Variants in CDH13 observed in about 807,000 individuals in gnomAD.
CDH13 encodes the protein cadherin-13.
In CDH13, 24 loss-of-function variants were observed where a neutral mutation model predicts 63.8. The ratio of observed to expected loss-of-function variants is 0.38; its 90% CI spans 0.27 to 0.53. CDH13 has a LOEUF of 0.53. Ranked by LOEUF, CDH13 falls within the 20% of genes least tolerant of loss-of-function variation. The pLI is 0.85. For synonymous variants in CDH13, 503 were observed against 355.3 expected, an observed-to-expected ratio of 1.42 and a Z score of -4.67; for missense variants, 1,049 against 903.1, an observed-to-expected ratio of 1.16 and a Z score of -2.07.
chr16:83,073,140 T>C (rs1348010638), intron 3 of CDH13, among the ~76,000 whole-genome samples: 11 of 152,160 alleles, frequency 7.2e-5, no homozygotes, highest in Non-Finnish European at 2.9e-5. Context: ...AAGCACAACC[T>C]GAGAGACATG....
chr16:82,745,436 C>G (rs184958574), intron 1 of CDH13, among the ~76,000 whole-genome samples: 1 of 152,240 alleles, frequency 6.6e-6, no homozygotes, highest in Admixed American at 6.5e-5. Flanking sequence ...AACCCCGTCT[C>G]TACTAAAAAT....
At chr16:83,554,234 G>A (rs917687180) in intron 7 of CDH13, among the ~76,000 whole-genome samples, 8 of 152,042 alleles carry the variant, frequency 5.3e-5, no homozygotes, top group African/African-American at 1.7e-4. Context: ...AAAAAAATAG[G>A]CAATGGAGGA....
At chr16:83,110,328 T>C (rs1007913229) in intron 3 of CDH13, among the ~76,000 whole-genome samples, 2 of 152,224 alleles carry the variant, frequency 1.3e-5, no homozygotes, top group Non-Finnish European at 2.9e-5. Context: ...AGCTACAGGG[T>C]AGCTTGTGTT....
intron 3 of CDH13, among the ~76,000 whole-genome samples, chr16:83,104,465 A>T (rs1409396605): frequency 6.6e-6 from 1 of 152,204 alleles, no homozygotes; most frequent in East Asian, 1.9e-4. Flanking sequence ...CTGATTTGGG[A>T]CTTCACTAAA....
intron 3 of CDH13, among the ~76,000 whole-genome samples, chr16:83,064,725 T>G (rs888180878): frequency 6.6e-6 from 1 of 152,176 alleles, no homozygotes; most frequent in East Asian, 1.9e-4. Context: ...CTTACTATTA[T>G]TTTTGATTGG....
chr16:82,861,896 C>G (rs2039961818), intron 2 of CDH13, among the ~76,000 whole-genome samples: 1 of 152,194 alleles, frequency 6.6e-6, no homozygotes, highest in Non-Finnish European at 1.5e-5. Context: ...AAGCTCCCAA[C>G]TCAGGGAAAC....
chr16:83,430,799 C>G (rs1567667476), intron 6 of CDH13, among the ~76,000 whole-genome samples: 2 of 152,094 alleles, frequency 1.3e-5, no homozygotes, highest in African/African-American at 2.4e-5. Context: ...GCTTTCTTGT[C>G]TACTTTAATC....
chr16:83,731,024 A>G (rs939489194), intron 10 of CDH13, among the ~76,000 whole-genome samples: 25 of 152,230 alleles, frequency 1.6e-4, no homozygotes, highest in African/African-American at 5.3e-4. Flanking sequence ...ATAGTATTCC[A>G]TGGTATACAC....
At chr16:83,529,067 C>G (rs2075025068) in intron 7 of CDH13, among the ~76,000 whole-genome samples, 2 of 150,512 alleles carry the variant, frequency 1.3e-5, no homozygotes, top group Admixed American at 6.7e-5. Context: ...TCCACCCAAA[C>G]CCCCTCCCCA....
rs112653787 is a variant in CDH13, at chr16:83,083,911, A to G, written c.367-41474A>G. Among the ~76,000 whole-genome samples the G allele has an allele frequency of 5.0e-3, 766 of 152,316 alleles. 4 individuals are homozygous for G. The highest frequency in any genetic ancestry group is 0.018 in the African/African-American group (729 of 41,566). ...AGTTGTCAATTTTAAATAATCAAGA[A>G]AGATAGCTCCAGGTAAGTCTCACTA... is the stretch of plus-strand genomic sequence containing the variant. On this transcript the variant is annotated intron_variant, in intron 3 of 13. Coordinates refer to ENST00000567109, the MANE Select transcript of CDH13 (RefSeq NM_001257.5).
chr16:83,594,496 C>G (rs1907070599), intron 7 of CDH13, among the ~76,000 whole-genome samples: 1 of 152,180 alleles, frequency 6.6e-6, no homozygotes, highest in African/African-American at 2.4e-5. Context: ...TTCGTGGAGC[C>G]TCTGTGCTGT....
chr16:83,310,556 C>T (rs971027940), intron 5 of CDH13, among the ~76,000 whole-genome samples: 2 of 152,198 alleles, frequency 1.3e-5, no homozygotes, highest in African/African-American at 2.4e-5. Flanking sequence ...CCTCCTCTTC[C>T]ACCAAGGCTA....
chr16:82,734,827 G>A (rs1366145755), intron 1 of CDH13, among the ~76,000 whole-genome samples: 2 of 152,214 alleles, frequency 1.3e-5, no homozygotes, highest in African/African-American at 2.4e-5. Context: ...CAAGGAAGGA[G>A]CATCACCTGG....
intron 2 of CDH13, among the ~76,000 whole-genome samples, chr16:82,992,899 C>T (rs1180367476): frequency 1.3e-5 from 2 of 152,168 alleles, no homozygotes; most frequent in African/African-American, 2.4e-5. Flanking sequence ...ATGTCCTTGG[C>T]TAGAGAAGGG....
chr16:83,199,578 C>T (rs1056590383), intron 4 of CDH13, among the ~76,000 whole-genome samples: 1 of 152,314 alleles, frequency 6.6e-6, no homozygotes, highest in African/African-American at 2.4e-5. Context: ...CTGCACAAGG[C>T]CTCAGTGAAT....
At chr16:82,678,110 T>C (rs936518471) in intron 1 of CDH13, among the ~76,000 whole-genome samples, 1 of 152,132 alleles carries the variant, frequency 6.6e-6, no homozygotes, top group African/African-American at 2.4e-5. Flanking sequence ...CAAGTCCCCA[T>C]GGAAGGTATC....
At chr16:83,253,980 TTAGA>T (rs1176251254) in intron 5 of CDH13, among the ~76,000 whole-genome samples, 1 of 152,158 alleles carries the variant, frequency 6.6e-6, no homozygotes, top group African/African-American at 2.4e-5. Flanking sequence ...AGAGTCAATC[TTAGA>T]TAGAGAGCCA....
intron 1 of CDH13, among the ~76,000 whole-genome samples, chr16:82,790,697 C>G (rs968039360): frequency 6.6e-6 from 1 of 152,174 alleles, no homozygotes; most frequent in African/African-American, 2.4e-5. Context: ...CCTCAGGAAA[C>G]TTACAATCAT....
intron 1 of CDH13, among the ~76,000 whole-genome samples, chr16:82,664,758 C>CT (rs1912387337): frequency 1.3e-5 from 2 of 152,152 alleles, no homozygotes; most frequent in South Asian, 4.2e-4. Context: ...GGGTTTTCTT[C>CT]TACCCAGTGG....
Sources: allele counts gnomAD v4.1 joint callset (sites outside exome capture counted in the v4.1 genomes callset), GRCh38; gene constraint gnomAD v4.1.1; transcripts MANE v1.5; gene names NCBI Gene and HGNC (gene_info 2026-07-23, HGNC 2026-07-21).